The following PRKN variants were observed in gnomAD, a reference collection of about 807,000 sequenced individuals.
PRKN encodes the protein parkin RBR E3 ubiquitin protein ligase.
A neutral mutation model predicts 59.5 loss-of-function variants in PRKN; 56 were observed. The ratio of observed to expected loss-of-function variants is 0.94; its 90% CI spans 0.76 to 1.18. The LOEUF (loss-of-function observed/expected upper bound fraction) is 1.18, where lower values mean the gene tolerates loss of function less well. PRKN is among the 50% of genes most tolerant of loss of function. The pLI is 0.00. For synonymous variants in PRKN, 250 were observed against 222.1 expected (o/e 1.13, Z -1.12); for missense variants, 657 against 596.4 (o/e 1.10, Z -1.06).
At position 161,349,828 on chromosome 6, in the gene PRKN, C is replaced by T. The variant is rs1385082415; in HGVS notation, c.*271G>A. On this transcript the variant is annotated 3_prime_UTR_variant, in exon 12 of 12. Coordinates refer to ENST00000366898, the MANE Select transcript of PRKN (RefSeq NM_004562.3). The surrounding 1 kb of genome is among the most constrained non-coding windows in gnomAD (Gnocchi z 5.5). Reference sequence around the variant, plus strand: ...GGCTGAGAACGCCTGTTGGTGGTGTCGCAGATGGCTCTGCTGTCTTGTGTG... The same window carrying T: ...GGCTGAGAACGCCTGTTGGTGGTGTTGCAGATGGCTCTGCTGTCTTGTGTG... 5 of 537,812 alleles carry T rather than the reference C, an allele frequency of 9.3e-6. No homozygotes were observed. Among genetic ancestry groups the T allele is most frequent in the African/African-American group, 7.6e-5 (4 of 52,896 alleles). 33.3% of individuals were successfully genotyped at this position (537,812 alleles called of 1,614,324 possible). A position where few individuals can be genotyped will look rare whatever the true frequency, so the allele number is the denominator to read the frequency against.
intron 4 of PRKN, among the ~76,000 whole-genome samples, chr6:162,119,193 A>G (rs1226023515): frequency 6.6e-6 from 1 of 152,214 alleles, no homozygotes; most frequent in Non-Finnish European, 1.5e-5. Context: ...ATACCTTATT[A>G]GTTATGAGAA....
intron 7 of PRKN, among the ~76,000 whole-genome samples, chr6:161,724,717 A>G (rs1394142904): frequency 6.6e-6 from 1 of 152,232 alleles, no homozygotes; most frequent in Admixed American, 6.5e-5. Context: ...GACCAGTTAT[A>G]TACCCGGAGG....
At chr6:162,119,951 G>C (rs1780834381) in intron 4 of PRKN, among the ~76,000 whole-genome samples, 1 of 152,162 alleles carries the variant, frequency 6.6e-6, no homozygotes, top group African/African-American at 2.4e-5. Flanking sequence ...ATGACTAAGA[G>C]GGGAGAAAGT....
chr6:161,898,655 C>T (rs1306157528), intron 6 of PRKN, among the ~76,000 whole-genome samples: 1 of 152,038 alleles, frequency 6.6e-6, no homozygotes, highest in South Asian at 2.1e-4. Context: ...TGGTACTGGG[C>T]GAAGCTATCT....
chr6:161,997,249 C>T (rs1347954119), intron 5 of PRKN, among the ~76,000 whole-genome samples: 1 of 152,020 alleles, frequency 6.6e-6, no homozygotes, highest in East Asian at 1.9e-4. Context: ...TATTTCTACC[C>T]TGCAGTGGAA....
rs573220374 is a variant in PRKN, at chr6:161,449,865, TG to T, written c.1084-62989del. Among the ~76,000 whole-genome samples the T allele has an allele frequency of 3.6e-3, 547 of 152,266 alleles. 4 individuals are homozygous for T. The highest frequency in any genetic ancestry group is 0.01 in the Middle Eastern group (3 of 294). On this transcript the variant is annotated intron_variant, in intron 9 of 11. Coordinates refer to ENST00000366898, the MANE Select transcript of PRKN (RefSeq NM_004562.3). ...TGCAGGAAAACAGAAGCATTGGGAA[TG>T]GAACATCTTTGGTTTCTCCATTTCA...
At chr6:162,617,078 T>C (rs1782452490) in intron 1 of PRKN, among the ~76,000 whole-genome samples, 1 of 152,156 alleles carries the variant, frequency 6.6e-6, no homozygotes, top group Non-Finnish European at 1.5e-5. Context: ...TACATAATTA[T>C]GGGTACAATG....
rs67693234 is a variant in PRKN, at chr6:161,364,930, C to CAAAA, written c.1168-4729_1168-4726dup. ...TGGGCAACGGAGTGAGACTTTGTCTCAAAAAAAAAAAAAAAATCAGAGTAG... is the reference window on the plus strand; with the variant it reads ...TGGGCAACGGAGTGAGACTTTGTCTCAAAAAAAAAAAAAAAAAAAATCAGAGTAG... On this transcript the variant is annotated intron_variant, in intron 10 of 11. Transcript: ENST00000366898. Among the ~76,000 whole-genome samples, 502 of 121,042 alleles carry CAAAA rather than the reference C, an allele frequency of 4.1e-3. 3 individuals are homozygous for CAAAA. The highest frequency in any genetic ancestry group is 0.014 in the African/African-American group (482 of 33,342). 79.4% of individuals were successfully genotyped at this position (121,042 alleles called of 152,430 possible). A position where few individuals can be genotyped will look rare whatever the true frequency, so the allele number is the denominator to read the frequency against.
intron 9 of PRKN, among the ~76,000 whole-genome samples, chr6:161,455,795 G>C (rs535730130): frequency 6.6e-6 from 1 of 151,216 alleles, no homozygotes; most frequent in African/African-American, 2.4e-5. Flanking sequence ...CCCGGGAGGC[G>C]GAGGTTGTGG....
intron 2 of PRKN, among the ~76,000 whole-genome samples, chr6:162,272,625 G>A (rs999287929): frequency 1.3e-5 from 2 of 152,010 alleles, no homozygotes; most frequent in Admixed American, 6.6e-5. Flanking sequence ...CAATGGTTGC[G>A]ATTAACACTC....
intron 4 of PRKN, among the ~76,000 whole-genome samples, chr6:162,155,102 C>T (rs567067787): frequency 0.056 from 1,357 of 24,130 alleles, 25 homozygotes; most frequent in African/African-American, 0.11. Context: ...AAAATAAAAC[C>T]TAAAAAAAAA....
intron 1 of PRKN, among the ~76,000 whole-genome samples, chr6:162,521,683 G>A (rs934462082): frequency 2.0e-5 from 3 of 151,776 alleles, no homozygotes; most frequent in Middle Eastern, 3.2e-3. Context: ...TGTGTATAAC[G>A]TACATATATA....
chr6:161,744,715 T>C (rs1788341317), intron 7 of PRKN, among the ~76,000 whole-genome samples: 1 of 152,206 alleles, frequency 6.6e-6, no homozygotes, highest in Admixed American at 6.5e-5. Flanking sequence ...GAATGATGCA[T>C]GGGCAGGCCT....
chr6:162,021,461 A>T lies in PRKN; in HGVS notation c.618+32630T>A, dbSNP rs201812088. 7.7e-3 allele frequency among the ~76,000 whole-genome samples: 190 copies of T among 24,628 alleles called. 1 individual carries two copies. The highest frequency in any genetic ancestry group is 0.059 in the East Asian group (44 of 750). The allele number at this position is 24,628 out of a possible 152,430, so 16.2% of individuals were successfully genotyped here. A position where few individuals can be genotyped will look rare whatever the true frequency, so the allele number is the denominator to read the frequency against. On this transcript the variant is annotated intron_variant, in intron 5 of 11. Coordinates refer to ENST00000366898, the MANE Select transcript of PRKN (RefSeq NM_004562.3). ...GGAATATATATATATATATATATATATTTTTTTTTTTTTTTTCCTTAAGCT... is the reference window on the plus strand; with the variant it reads ...GGAATATATATATATATATATATATTTTTTTTTTTTTTTTTTCCTTAAGCT...
At chr6:161,718,164 G>C (rs542491951) in intron 7 of PRKN, among the ~76,000 whole-genome samples, 1 of 152,196 alleles carries the variant, frequency 6.6e-6, no homozygotes, top group South Asian at 2.1e-4. Context: ...TAATAATTAA[G>C]GTAACTTTCT....
At chr6:161,735,810 G>T (rs1787940339) in intron 7 of PRKN, among the ~76,000 whole-genome samples, 1 of 152,084 alleles carries the variant, frequency 6.6e-6, no homozygotes, top group Admixed American at 6.5e-5. Flanking sequence ...AGCTACTCGG[G>T]AGGCTGAGGC....
intron 7 of PRKN, among the ~76,000 whole-genome samples, chr6:161,678,942 G>A (rs1187038470): frequency 3.3e-5 from 5 of 152,152 alleles, no homozygotes; most frequent in South Asian, 2.1e-4. Context: ...CCCATTTCAC[G>A]ATGCTTATTG....
At position 161,475,727 on chromosome 6, in the gene PRKN, G is replaced by C. The variant is rs1028267010; in HGVS notation, c.1083+73127C>G. 7.2e-5 allele frequency among the ~76,000 whole-genome samples: 11 copies of C among 151,820 alleles called. No individual in the cohort carries two copies. The highest frequency in any genetic ancestry group is 3.2e-3 in the Middle Eastern group (1 of 316). ...TGAGCTCAAGGAATCTGCTCGCCTCGGTCTCCCAAAGTGCTGGGATTACAG... is the reference window on the plus strand; with the variant it reads ...TGAGCTCAAGGAATCTGCTCGCCTCCGTCTCCCAAAGTGCTGGGATTACAG... On this transcript the variant is annotated intron_variant, in intron 9 of 11. Coordinates refer to ENST00000366898, the MANE Select transcript of PRKN (RefSeq NM_004562.3). The surrounding 1 kb of genome is among the most constrained non-coding windows in gnomAD (Gnocchi z 5.3).
chr6:162,564,071 G>T (rs1562389453), intron 1 of PRKN, among the ~76,000 whole-genome samples: 1 of 152,122 alleles, frequency 6.6e-6, no homozygotes, highest in Non-Finnish European at 1.5e-5. Context: ...ATTGGGCTGG[G>T]TGCGGTGGCT....
Sources: gnomAD v4.1 joint callset for allele counts (sites outside exome capture counted in the v4.1 genomes callset) on GRCh38, gnomAD v4.1.1 for gene constraint, Gnocchi (gnomAD v3.1) non-coding constraint, MANE v1.5 for transcripts, NCBI Gene and HGNC (gene_info 2026-07-23, HGNC 2026-07-21) for gene names.